Variants in VLDLR observed in about 807,000 individuals in gnomAD.
VLDLR encodes very low density lipoprotein receptor.
Under a neutral mutation model 112.7 loss-of-function variants are expected in VLDLR, and 81 were observed. The ratio of observed to expected loss-of-function variants is 0.72; its 90% CI spans 0.60 to 0.86. VLDLR has a LOEUF of 0.86. VLDLR is among the 40% of genes least tolerant of loss of function. The pLI, the probability that VLDLR is intolerant of heterozygous loss-of-function variation, is 0.00. For missense variants in VLDLR, 1,237 were observed against 1,099.4 expected, an observed-to-expected ratio of 1.13 and a Z score of -1.77; for synonymous variants, 436 against 384.8, an observed-to-expected ratio of 1.13 and a Z score of -1.56.
chr9:2,644,398 T>C (rs928178721), intron 7 of VLDLR, among the ~76,000 whole-genome samples: 6 of 149,574 alleles, frequency 4.0e-5, no homozygotes, highest in Admixed American at 1.3e-4. Context: ...CTCGAACTCC[T>C]GACCTCGTGA....
intron 14 of VLDLR, among the ~76,000 whole-genome samples, chr9:2,649,302 C>T (rs958933302): frequency 1.3e-5 from 2 of 152,178 alleles, no homozygotes; most frequent in South Asian, 2.1e-4. Flanking sequence ...TTCCAGGCCT[C>T]TTCTTGGTCT....
At chr9:2,635,116 G>A (rs7030221) in intron 1 of VLDLR, among the ~76,000 whole-genome samples, 1 of 151,996 alleles carries the variant, frequency 6.6e-6, no homozygotes, top group Non-Finnish European at 1.5e-5. Context: ...CAGGAATGAA[G>A]AGATGGAAAG....
intron 3 of VLDLR, among the ~76,000 whole-genome samples, chr9:2,640,550 A>C (rs1248097573): frequency 6.6e-6 from 1 of 152,186 alleles, no homozygotes; most frequent in Admixed American, 6.5e-5. Flanking sequence ...CCTTAGGAAA[A>C]AGTCTATGAG....
intron 1 of VLDLR, among the ~76,000 whole-genome samples, chr9:2,631,462 A>C (rs780270335): frequency 3.9e-5 from 6 of 152,222 alleles, no homozygotes; most frequent in Non-Finnish European, 7.3e-5. Flanking sequence ...CATATACACA[A>C]TGGAATACTA....
At position 2,648,728 on chromosome 9, in the gene VLDLR, T is replaced by C. The variant is rs774470210; in HGVS notation, c.2022T>C (p.Thr674=). 8 of 1,614,200 alleles carry C rather than the reference T, an allele frequency of 5.0e-6. No individual in the cohort carries two copies. The South Asian group carries it at 7.7e-5, about 16-fold the overall frequency. ...NEAVYGANKF[T]GSELATLVNN... ...CAGTCTATGGTGCCAATAAATTCAC[T>C]GGATCAGAGCTAGCCACTCTAGTCA... The change falls in exon 14 of 19, where the codon ACT becomes ACC. Residue 674 remains threonine (T), a synonymous_variant. Transcript: ENST00000382100.
At chr9:2,650,061 C>T (rs544140003) in intron 14 of VLDLR, among the ~76,000 whole-genome samples, 4 of 152,184 alleles carry the variant, frequency 2.6e-5, no homozygotes, top group African/African-American at 7.2e-5. Flanking sequence ...CGCTAAACCT[C>T]GGGCAAATAG....
chr9:2,632,717 G>A (rs1208404949), intron 1 of VLDLR, among the ~76,000 whole-genome samples: 5 of 152,120 alleles, frequency 3.3e-5, no homozygotes, highest in Non-Finnish European at 5.9e-5. Flanking sequence ...AAACTTAACA[G>A]TGTTCCAGTC....
At chr9:2,647,946 G>C (rs757671382) in intron 12 of VLDLR, among the ~76,000 whole-genome samples, 24 of 152,142 alleles carry the variant, frequency 1.6e-4, no homozygotes, top group Non-Finnish European at 3.2e-4. Flanking sequence ...ACAACAAAAT[G>C]GTAGCCTCTT....
At position 2,648,772 on chromosome 9, in the gene VLDLR, A is replaced by T; in HGVS notation, c.2066A>T (p.Gln689Leu). ...CTAGTCAACAACCTGAATGATGCCC[A>T]AGACATCATTGTCTATCATGAACTT... is the stretch of plus-strand genomic sequence containing the variant. ...ATLVNNLNDA[Q>L]DIIVYHELVQ... The change falls in exon 14 of 19, where the codon CAA (glutamine) becomes CTA (leucine). Residue 689 changes from glutamine (Q) to leucine (L), a missense_variant. Gln to Leu is a moderately radical substitution (Grantham distance 113). Coordinates refer to ENST00000382100, the MANE Select transcript of VLDLR (RefSeq NM_003383.5). The T allele has an allele frequency of 6.2e-7, 1 of 1,614,190 alleles. No individual in the cohort carries two copies. The highest frequency in any genetic ancestry group is 8.5e-7 in the Non-Finnish European group (1 of 1,180,030).
chr9:2,648,711 G>A lies in VLDLR; in HGVS notation c.2005G>A (p.Gly669Ser). 2 of 1,614,182 alleles carry A rather than the reference G, an allele frequency of 1.2e-6. No homozygotes were observed. The highest frequency in any genetic ancestry group is 1.6e-4 in the Middle Eastern group (1 of 6,062). The change falls in exon 14 of 19, where the codon GGT becomes AGT. Residue 669 changes from glycine to serine, a missense_variant. Physicochemically the swap from Gly to Ser is moderately conservative, Grantham distance 56. Transcript: ENST00000382100. ...AGATGGGGAAAATGAAGCAGTCTAT[G>A]GTGCCAATAAATTCACTGGATCAGA... Reference protein sequence around the residue: ...WIDGENEAVYGANKFTGSELA... With the variant: ...WIDGENEAVYSANKFTGSELA...
intron 14 of VLDLR, among the ~76,000 whole-genome samples, chr9:2,650,052 G>A (rs1036479747): frequency 6.6e-5 from 10 of 152,126 alleles, no homozygotes; most frequent in African/African-American, 2.2e-4. Context: ...GAGCCTTCAC[G>A]CTAAACCTCG....
In VLDLR at chr9:2,635,448, T is replaced by G; in HGVS notation, c.83-5T>G. ...GCTTTACCGAATGTTCCCTTCTTAT[T>G]CTAGGGAGAAAAGCCAAATGTGAAC... On this transcript the variant is annotated splice_polypyrimidine_tract_variant and splice_region_variant and intron_variant, in intron 1 of 18. Transcript: ENST00000382100. 6 of 1,614,008 alleles carry G rather than the reference T, an allele frequency of 3.7e-6. No individual in the cohort carries two copies. The highest frequency in any genetic ancestry group is 5.1e-6 in the Non-Finnish European group (6 of 1,179,896).
In VLDLR at chr9:2,658,076, A is replaced by T. The variant is rs989698563; in HGVS notation, c.*4208A>T. Reference sequence around the variant, plus strand: ...GAAGAGGGAACAATGGCGTTTTTCGAACTTATTTCTCTCTAATCCAGCCTG... The same window carrying T: ...GAAGAGGGAACAATGGCGTTTTTCGTACTTATTTCTCTCTAATCCAGCCTG... On this transcript the variant is annotated 3_prime_UTR_variant, in exon 19 of 19. Transcript: ENST00000382100. 7 of 152,214 alleles carry T rather than the reference A, an allele frequency of 4.6e-5. No individual in the cohort carries two copies. Among genetic ancestry groups the T allele is most frequent in the African/African-American group, 1.7e-4 (7 of 41,458 alleles). The allele number at this position is 152,214 out of a possible 1,614,324, so 9.4% of individuals were successfully genotyped here.
At chr9:2,631,966 T>C (rs1817368879) in intron 1 of VLDLR, among the ~76,000 whole-genome samples, 1 of 152,120 alleles carries the variant, frequency 6.6e-6, no homozygotes, top group Admixed American at 6.6e-5. Context: ...AAATAGGTCC[T>C]TGAAGTTAGT....
intron 1 of VLDLR, among the ~76,000 whole-genome samples, chr9:2,631,736 C>T (rs971321481): frequency 3.3e-5 from 5 of 152,116 alleles, no homozygotes; most frequent in Admixed American, 6.6e-5. Context: ...GAAATAACGT[C>T]AATGACTGTA....
chr9:2,649,484 T>C (rs919596903), intron 14 of VLDLR, among the ~76,000 whole-genome samples: 3 of 152,154 alleles, frequency 2.0e-5, no homozygotes, highest in African/African-American at 7.2e-5. Context: ...CTCCGCCTCC[T>C]GTGTTCAAGC....
intron 1 of VLDLR, among the ~76,000 whole-genome samples, chr9:2,630,443 T>C (rs1459435429): frequency 1.3e-5 from 2 of 152,098 alleles, no homozygotes; most frequent in Admixed American, 1.3e-4. Context: ...GAGATGTAAA[T>C]GCTTGGCCCT....
At chr9:2,637,812 A>G (rs879285944) in intron 2 of VLDLR, among the ~76,000 whole-genome samples, 13 of 152,112 alleles carry the variant, frequency 8.5e-5, no homozygotes, top group Non-Finnish European at 1.6e-4. Flanking sequence ...ACATGGTGGC[A>G]GGTGCCTGTA....
At chr9:2,648,849 G>A (rs1485455693) in intron 14 of VLDLR, 39 bp downstream of exon 14, 2 of 1,613,356 alleles carry the variant, frequency 1.2e-6, no homozygotes, top group African/African-American at 2.7e-5. Flanking sequence ...ACTACTTTAA[G>A]GGAAGCAGCA....
Sources: gnomAD v4.1 joint callset for allele counts (sites outside exome capture counted in the v4.1 genomes callset) on GRCh38, gnomAD v4.1.1 for gene constraint, MANE v1.5 for transcripts, NCBI Gene and HGNC (gene_info 2026-07-23, HGNC 2026-07-21) for gene names.